SVOPL: variants seen among roughly 807,000 people sequenced by gnomAD.
SVOPL encodes the protein putative transporter SVOPL.
A neutral mutation model predicts 61.0 loss-of-function variants in SVOPL; 60 were observed. That is an observed-to-expected ratio of 0.98 (90% CI 0.80 to 1.22). SVOPL has a LOEUF of 1.22. Ranked by LOEUF, SVOPL falls within the 50% of genes most tolerant of loss-of-function variation. The probability of loss-of-function intolerance (pLI) is 0.00; values close to 1 mark genes in which losing one functional copy is unlikely to be tolerated. For synonymous variants in SVOPL, 279 were observed against 250.0 expected, an observed-to-expected ratio of 1.12 and a Z score of -1.09; for missense variants, 662 against 643.9, an observed-to-expected ratio of 1.03 and a Z score of -0.30.
intron 14 of SVOPL, among the ~76,000 whole-genome samples, chr7:138,616,817 T>TA (rs1395160481): frequency 6.6e-6 from 1 of 152,188 alleles, no homozygotes; most frequent in Non-Finnish European, 1.5e-5. Flanking sequence ...GACAGAGTCT[T>TA]ACTCTGTTGT....
chr7:138,617,775 G>A (rs1433524750), intron 14 of SVOPL, among the ~76,000 whole-genome samples: 4 of 152,122 alleles, frequency 2.6e-5, no homozygotes, highest in Admixed American at 2.0e-4. Flanking sequence ...AGTTGAGGCT[G>A]TAGTGAGCCC....
intron 9 of SVOPL, among the ~76,000 whole-genome samples, chr7:138,637,440 A>C (rs1437721088): frequency 3.5e-3 from 19 of 5,494 alleles, no homozygotes; most frequent in African/African-American, 0.012. Context: ...ATATATATAT[A>C]TAGATAGATA....
chr7:138,595,031 C>T (rs914691505), intron 15 of SVOPL, among the ~76,000 whole-genome samples: 11 of 152,042 alleles, frequency 7.2e-5, no homozygotes, highest in Middle Eastern at 3.4e-3. Flanking sequence ...GCTAGGATTA[C>T]AGACGTGAGC....
intron 14 of SVOPL, among the ~76,000 whole-genome samples, chr7:138,613,651 C>A (rs1799157079): frequency 1.3e-5 from 2 of 152,110 alleles, no homozygotes; most frequent in Non-Finnish European, 2.9e-5. Flanking sequence ...CCTGTCACCC[C>A]TTTTACTCAT....
chr7:138,644,693 A>G, intron 9 of SVOPL, 24 bp downstream of exon 9: 1 of 1,612,006 alleles, frequency 6.2e-7, no homozygotes, highest in East Asian at 2.2e-5. Flanking sequence ...GTGATAGGAG[A>G]AGACCTCGGG....
intron 9 of SVOPL, among the ~76,000 whole-genome samples, chr7:138,639,860 T>C (rs907796956): frequency 6.6e-5 from 10 of 151,246 alleles, no homozygotes; most frequent in African/African-American, 2.2e-4. Flanking sequence ...GCAACCCTCC[T>C]GCCTCAACCT....
chr7:138,657,184 G>T (rs1427611236), intron 6 of SVOPL, among the ~76,000 whole-genome samples: 2 of 150,694 alleles, frequency 1.3e-5, no homozygotes, highest in African/African-American at 4.9e-5. Flanking sequence ...TAGAGACAAG[G>T]TCTGGCTGTC....
chr7:138,623,265 T>TATCA (rs1799748517), intron 13 of SVOPL, among the ~76,000 whole-genome samples: 1 of 152,156 alleles, frequency 6.6e-6, no homozygotes, highest in Non-Finnish European at 1.5e-5. Flanking sequence ...AACAGAAAAC[T>TATCA]ATCATTTTTA....
intron 14 of SVOPL, among the ~76,000 whole-genome samples, chr7:138,603,799 C>G (rs1798629108): frequency 6.6e-6 from 1 of 152,198 alleles, no homozygotes; most frequent in African/African-American, 2.4e-5. Flanking sequence ...GAGGAAAACT[C>G]TGACATGAAA....
chr7:138,630,970 G>A (rs2580810), intron 9 of SVOPL, among the ~76,000 whole-genome samples: 113,254 of 143,432 alleles, frequency 0.79, 45,797 homozygotes, highest in Middle Eastern at 0.94. Flanking sequence ...AAAAAAAAAA[G>A]CAAGGAAGAG....
At chr7:138,687,228 C>CTTTTTTTTTTT (rs71179722) in intron 1 of SVOPL, among the ~76,000 whole-genome samples, 9 of 77,014 alleles carry the variant, frequency 1.2e-4, no homozygotes, top group Admixed American at 1.7e-4. Flanking sequence ...CTTTTTTCCT[C>CTTTTTTTTTTT]TTTTTTTTTT....
Position 138,681,853 on chromosome 7 carries a change from G to A in SVOPL, c.-34-2774C>T, listed in dbSNP as rs556178972. Among the ~76,000 whole-genome samples the A allele has an allele frequency of 2.6e-5, 4 of 152,046 alleles. No individual in the cohort carries two copies. The East Asian group carries it at 5.8e-4, about 22-fold the overall frequency. ...ACAAAAACAAATTAAAATTGAAAAG[G>A]CTCCCACTGGCCAAAGATGGGACAA... is the stretch of plus-strand genomic sequence containing the variant. On this transcript the variant is annotated intron_variant, in intron 1 of 15. Coordinates refer to ENST00000674285, the MANE Select transcript of SVOPL (RefSeq NM_001139456.2).
At chr7:138,605,490 G>A (rs190334122) in intron 14 of SVOPL, among the ~76,000 whole-genome samples, 10 of 151,744 alleles carry the variant, frequency 6.6e-5, no homozygotes, top group East Asian at 5.8e-4. Flanking sequence ...AGCGAAACCC[G>A]GTCTCTACTA....
At chr7:138,686,505 G>A (rs1020402372) in intron 1 of SVOPL, among the ~76,000 whole-genome samples, 1 of 151,004 alleles carries the variant, frequency 6.6e-6, no homozygotes, top group Non-Finnish European at 1.5e-5. Flanking sequence ...AGTTCCTGTG[G>A]AGGCTTCAGA....
chr7:138,685,571 A>G (rs1431522932), intron 1 of SVOPL, among the ~76,000 whole-genome samples: 2 of 152,204 alleles, frequency 1.3e-5, no homozygotes, highest in African/African-American at 4.8e-5. Flanking sequence ...AAATTTTGCC[A>G]GAAAGGTAGA....
chr7:138,637,507 T>G (rs57939542), intron 9 of SVOPL, among the ~76,000 whole-genome samples: 1,057 of 25,628 alleles, frequency 0.041, 10 homozygotes, highest in Non-Finnish European at 0.084. Flanking sequence ...TATATATATA[T>G]ATAGATAGAT....
At chr7:138,608,125 CAAAG>C (rs1283085799) in intron 14 of SVOPL, among the ~76,000 whole-genome samples, 1 of 152,056 alleles carries the variant, frequency 6.6e-6, no homozygotes, top group Non-Finnish European at 1.5e-5. Flanking sequence ...AAAGATTGGA[CAAAG>C]AAAGAGACAA....
intron 1 of SVOPL, among the ~76,000 whole-genome samples, chr7:138,692,725 A>C (rs2117143045): frequency 6.6e-6 from 1 of 152,312 alleles, no homozygotes; most frequent in East Asian, 1.9e-4. Flanking sequence ...CCTTGGTCCT[A>C]GAGTGAGCAA....
intron 1 of SVOPL, among the ~76,000 whole-genome samples, chr7:138,683,863 C>T (rs1802749965): frequency 6.6e-6 from 1 of 150,500 alleles, no homozygotes; most frequent in South Asian, 2.1e-4. Context: ...ACCAGTCTGG[C>T]CAACATGGTG....
Sources: allele counts gnomAD v4.1 joint callset (sites outside exome capture counted in the v4.1 genomes callset), GRCh38; gene constraint gnomAD v4.1.1; transcripts MANE v1.5; gene names NCBI Gene and HGNC (gene_info 2026-07-23, HGNC 2026-07-21).